CNTNAP3: variants seen among roughly 807,000 people sequenced by gnomAD.
CNTNAP3 encodes contactin associated protein family member 3.
In CNTNAP3, 36 loss-of-function variants were observed where a neutral mutation model predicts 92.1. The ratio of observed to expected loss-of-function variants is 0.39; its 90% CI spans 0.30 to 0.52. CNTNAP3 has a LOEUF of 0.52. Among genes scored for constraint, CNTNAP3 ranks in the 20% least tolerant of loss-of-function variants. The pLI, the probability that CNTNAP3 is intolerant of heterozygous loss-of-function variation, is 0.76. For synonymous variants in CNTNAP3, 232 were observed against 422.3 expected (o/e 0.55, Z 5.53); for missense variants, 534 against 1,069.6 (o/e 0.50, Z 6.98).
chr9:39,095,903 T>G (rs1194069700), intron 18 of CNTNAP3, among the ~76,000 whole-genome samples: 1 of 151,542 alleles, frequency 6.6e-6, no homozygotes, highest in Non-Finnish European at 1.5e-5. Context: ...TTATATAATT[T>G]GTTCTCTTTT....
intron 11 of CNTNAP3, among the ~76,000 whole-genome samples, chr9:39,142,684 A>G (rs1821606052): frequency 6.6e-6 from 1 of 151,902 alleles, no homozygotes; most frequent in Admixed American, 6.6e-5. Context: ...AAAAAAAAAA[A>G]AAAGAAAATG....
chr9:39,093,062 G>A (rs1826245294), intron 18 of CNTNAP3, among the ~76,000 whole-genome samples: 1 of 141,142 alleles, frequency 7.1e-6, no homozygotes, highest in Non-Finnish European at 1.6e-5. Context: ...CATGGTACAT[G>A]TTTTCCCTTC....
chr9:39,086,434 TGAGTA>T (rs1826062012), intron 20 of CNTNAP3: 2 of 390,352 alleles, frequency 5.1e-6, no homozygotes, highest in Middle Eastern at 6.8e-4. Flanking sequence ...ATTCCCCTAT[TGAGTA>T]AAGTAAAACA....
chr9:39,108,641 C>T (rs141240864), intron 15 of CNTNAP3, among the ~76,000 whole-genome samples: 1,841 of 152,228 alleles, frequency 0.012, 45 homozygotes, highest in South Asian at 0.085. Context: ...CCTCTAAGAA[C>T]CCTGGGCTTA....
At chr9:39,099,323 G>C (rs1826398532) in intron 18 of CNTNAP3, among the ~76,000 whole-genome samples, 1 of 152,168 alleles carries the variant, frequency 6.6e-6, no homozygotes, top group Non-Finnish European at 1.5e-5. Context: ...CCTCTAAGAA[G>C]AGTCAAACAT....
chr9:39,099,678 A>G (rs1368935177), intron 18 of CNTNAP3: 4 of 785,970 alleles, frequency 5.1e-6, no homozygotes, highest in Non-Finnish European at 7.9e-6. Flanking sequence ...AACAGATGCT[A>G]GGGGTAACCC....
chr9:39,103,825 A>C lies in CNTNAP3; in HGVS notation c.2455T>G (p.Phe819Val), dbSNP rs374861646. ...GAGGAAACTGTGGTCTTAAAAAAGA[A>C]GCACACGTCAGCAGTGAGTTCTCCG... Reference protein sequence around the residue: ...FHGELTADVCFFFKTTVSSGV... With the variant: ...FHGELTADVCVFFKTTVSSGV... The change falls in exon 16 of 24, where the codon TTC becomes GTC. Residue 819 changes from phenylalanine to valine, a missense_variant. By Grantham distance (50) the Phe-to-Val change is conservative. Coordinates refer to ENST00000297668, the MANE Select transcript of CNTNAP3 (RefSeq NM_033655.5). 6 of 1,611,072 alleles carry C rather than the reference A, an allele frequency of 3.7e-6. No homozygotes were observed. The highest frequency in any genetic ancestry group is 1.3e-5 in the African/African-American group (1 of 74,746).
In CNTNAP3 at chr9:39,144,259, C is replaced by T. The variant is rs199615341; in HGVS notation, c.1737G>A (p.Thr579=). The change falls in exon 11 of 24, where the codon ACG becomes ACA. Residue 579 remains threonine, a synonymous_variant. Coordinates refer to ENST00000297668, the MANE Select transcript of CNTNAP3 (RefSeq NM_033655.5). ...FSCDCLGTGY[T]GETCHSSLYE... ...GCTTACAGGAATGGCAGGTCTCGCC[C>T]GTATAGCCTGTGCCTAGACAGTCAC... The T allele has an allele frequency of 8.0e-4, 1,270 of 1,589,066 alleles. 15 individuals carry two copies. The East Asian group carries it at 0.017, about 22-fold the overall frequency.
chr9:39,135,498 C>T (rs1271652248), intron 12 of CNTNAP3, among the ~76,000 whole-genome samples: 2 of 152,182 alleles, frequency 1.3e-5, no homozygotes, highest in African/African-American at 2.4e-5. Context: ...AACTGTAACA[C>T]GTTGATCCCT....
intron 20 of CNTNAP3, 111 bp from the exon 21 acceptor site, chr9:39,085,934 C>G: frequency 9.4e-7 from 1 of 1,065,424 alleles, no homozygotes; most frequent in South Asian, 1.4e-5. Context: ...TTTTAAGTAC[C>G]ATTACAAAAG....
At chr9:39,122,071 C>T (rs1563884825) in intron 13 of CNTNAP3, among the ~76,000 whole-genome samples, 1 of 152,082 alleles carries the variant, frequency 6.6e-6, no homozygotes. Context: ...CAGGATGCTT[C>T]TGGCCGGGCG....
intron 13 of CNTNAP3, among the ~76,000 whole-genome samples, chr9:39,121,020 T>C (rs1319627152): frequency 2.0e-5 from 3 of 152,208 alleles, no homozygotes; most frequent in Middle Eastern, 3.4e-3. Context: ...AAGTTGACTG[T>C]GGTAAGTCAC....
At chr9:39,106,622 T>A (rs1410932111) in intron 15 of CNTNAP3, 1 of 152,194 alleles carries the variant, frequency 6.6e-6, no homozygotes, top group South Asian at 2.1e-4. Context: ...AAGTAGGATA[T>A]AAACTGAAGG....
intron 22 of CNTNAP3, 111 bp from the exon 23 acceptor site, chr9:39,078,567 A>C (rs1446218579): frequency 6.5e-7 from 1 of 1,550,016 alleles, no homozygotes; most frequent in Non-Finnish European, 8.7e-7. Context: ...ACATCACAAA[A>C]ATGTATTTTA....
chr9:39,082,681 C>T (rs1381819302), intron 21 of CNTNAP3, among the ~76,000 whole-genome samples: 2 of 152,268 alleles, frequency 1.3e-5, no homozygotes, highest in South Asian at 2.1e-4. Flanking sequence ...AAGGTCATGA[C>T]CCCCTCCAGG....
intron 13 of CNTNAP3, among the ~76,000 whole-genome samples, chr9:39,126,782 A>G (rs1821161782): frequency 6.6e-6 from 1 of 151,956 alleles, no homozygotes; most frequent in East Asian, 1.9e-4. Context: ...GCAGAATGGA[A>G]AAATAAACAG....
At chr9:39,127,394 C>T (rs62570007) in intron 13 of CNTNAP3, among the ~76,000 whole-genome samples, 1,872 of 151,910 alleles carry the variant, frequency 0.012, 26 homozygotes, top group Non-Finnish European at 0.017. Flanking sequence ...AAAATTAACT[C>T]ATACAAGCTG....
chr9:39,129,298 A>G (rs1339406960), intron 13 of CNTNAP3, among the ~76,000 whole-genome samples: 1 of 152,228 alleles, frequency 6.6e-6, no homozygotes, highest in Non-Finnish European at 1.5e-5. Context: ...AATGAAACAG[A>G]TAAAGAATGC....
intron 10 of CNTNAP3, among the ~76,000 whole-genome samples, chr9:39,147,052 G>T (rs538019382): frequency 5.3e-4 from 81 of 152,208 alleles, no homozygotes; most frequent in Middle Eastern, 6.8e-3. Flanking sequence ...TCTCACGAGA[G>T]CTGATGGTTT....
Sources: allele counts gnomAD v4.1 joint callset (sites outside exome capture counted in the v4.1 genomes callset), GRCh38; gene constraint gnomAD v4.1.1; transcripts MANE v1.5; gene names NCBI Gene and HGNC (gene_info 2026-07-23, HGNC 2026-07-21).